Variants in ANKRD55 observed in about 807,000 individuals in gnomAD.
The protein encoded by ANKRD55 is ankyrin repeat domain 55.
Under a neutral mutation model 60.6 loss-of-function variants are expected in ANKRD55, and 41 were observed. That is an observed-to-expected ratio of 0.68 (90% CI 0.53 to 0.88). The LOEUF (loss-of-function observed/expected upper bound fraction) is 0.88, where lower values mean the gene tolerates loss of function less well. Among genes scored for constraint, ANKRD55 ranks in the 40% least tolerant of loss-of-function variants. ANKRD55 has a pLI of 0.00. For missense variants in ANKRD55, 732 were observed against 767.6 expected (o/e 0.95, Z 0.55); for synonymous variants, 264 against 290.3 (o/e 0.91, Z 0.92).
chr5:56,160,458 C>A (rs1758299315), intron 5 of ANKRD55, among the ~76,000 whole-genome samples: 1 of 152,186 alleles, frequency 6.6e-6, no homozygotes, highest in African/African-American at 2.4e-5. Context: ...CCAGGATGGT[C>A]TGGATCTCCT....
In ANKRD55 at chr5:56,116,996, T is replaced by G. The variant is rs2111692230; in HGVS notation, c.798-214A>C. On this transcript the variant is annotated intron_variant, in intron 8 of 11. Coordinates refer to ENST00000341048, the MANE Select transcript of ANKRD55 (RefSeq NM_024669.3). ...CTAGCTCTAAGTATTCCCTGCCATCTACACTCTCTGGCCTTTCTAACAATT... is the reference window on the plus strand; with the variant it reads ...CTAGCTCTAAGTATTCCCTGCCATCGACACTCTCTGGCCTTTCTAACAATT... 1.1e-5 allele frequency: 5 copies of G among 458,158 alleles called. No individual in the cohort carries two copies. In the South Asian group the frequency reaches 1.7e-4, roughly 16 times the overall value. 28.4% of individuals were successfully genotyped at this position (458,158 alleles called of 1,614,324 possible). A position where few individuals can be genotyped will look rare whatever the true frequency, so the allele number is the denominator to read the frequency against.
intron 8 of ANKRD55, among the ~76,000 whole-genome samples, chr5:56,120,844 A>G (rs920885869): frequency 4.7e-5 from 7 of 149,736 alleles, no homozygotes; most frequent in African/African-American, 1.7e-4. Flanking sequence ...GGTTGCAGTG[A>G]GCCAAGATCG....
intron 2 of ANKRD55, chr5:56,192,710 G>T: frequency 7.3e-7 from 1 of 1,372,786 alleles, no homozygotes; most frequent in South Asian, 1.2e-5. Context: ...AGATGATAAT[G>T]GACAGAATCA....
intron 11 of ANKRD55, 116 bp downstream of exon 11, chr5:56,102,378 A>G: frequency 1.4e-6 from 1 of 691,176 alleles, no homozygotes; most frequent in Non-Finnish European, 2.3e-6. Flanking sequence ...GCGACAGCGC[A>G]AGACTCCATC....
intron 5 of ANKRD55, among the ~76,000 whole-genome samples, chr5:56,168,299 GA>G (rs1758530905): frequency 6.6e-6 from 1 of 152,168 alleles, no homozygotes; most frequent in African/African-American, 2.4e-5. Flanking sequence ...AACATTCAAT[GA>G]AAAATTCCAG....
chr5:56,228,489 G>C (rs374084869), intron 2 of ANKRD55, among the ~76,000 whole-genome samples: 167 of 151,404 alleles, frequency 1.1e-3, no homozygotes, highest in Admixed American at 3.2e-3. Flanking sequence ...GCAGTGGCGC[G>C]ATCTTGGCTC....
At chr5:56,118,128 G>A (rs1756932632) in intron 8 of ANKRD55, among the ~76,000 whole-genome samples, 1 of 152,002 alleles carries the variant, frequency 6.6e-6, no homozygotes, top group African/African-American at 2.4e-5. Context: ...GGGCGACAGA[G>A]CAAGACTCTG....
At chr5:56,142,264 G>T (rs532496269) in intron 7 of ANKRD55, among the ~76,000 whole-genome samples, 37 of 152,298 alleles carry the variant, frequency 2.4e-4, no homozygotes, top group Admixed American at 2.0e-3. Flanking sequence ...GACCCGGGAG[G>T]TGGAGGTTGC....
In ANKRD55 at chr5:56,127,079, T is replaced by C; in HGVS notation, c.640A>G (p.Ile214Val). ...GACGGCCCCTGGTGATGGCTCAGAA[T>C]GATGGAGCACAGAATCCTATTTCCA... is the stretch of plus-strand genomic sequence containing the variant. ...QSGNRILCSI[I>V]LSHHQGPSII... Residue 214 changes from isoleucine to valine, a missense_variant, in exon 8 of 12, where the codon ATT becomes GTT. Ile to Val is a conservative substitution (Grantham distance 29). Coordinates refer to ENST00000341048, the MANE Select transcript of ANKRD55 (RefSeq NM_024669.3). The C allele has an allele frequency of 6.2e-7, 1 of 1,612,780 alleles. No individual in the cohort carries two copies. Among genetic ancestry groups the C allele is most frequent in the Non-Finnish European group, 8.5e-7 (1 of 1,179,346 alleles).
At chr5:56,217,271 A>G (rs1759835629) in intron 2 of ANKRD55, among the ~76,000 whole-genome samples, 1 of 152,238 alleles carries the variant, frequency 6.6e-6, no homozygotes, top group South Asian at 2.1e-4. Context: ...TTTCAAAACA[A>G]TACTGACAAT....
chr5:56,227,887 G>C (rs187473), intron 2 of ANKRD55, among the ~76,000 whole-genome samples: 54,287 of 151,918 alleles, frequency 0.36, 10,812 homozygotes, highest in East Asian at 0.84. Context: ...ATAAACATTC[G>C]CTCTTGTCAA....
rs780270426 is a variant in ANKRD55 at position 56,126,939 on chromosome 5, A to G, written c.780T>C (p.Ala260=). 2 of 1,610,284 alleles carry G rather than the reference A, an allele frequency of 1.2e-6. No homozygotes were observed. Among genetic ancestry groups the G allele is most frequent in the South Asian group, 2.2e-5 (2 of 90,522 alleles). ...ATGGATACCTGTCATCCACATCCAGAGCCTGCAGGTTACACTCAGGGACTC... is the reference window on the plus strand; with the variant it reads ...ATGGATACCTGTCATCCACATCCAGGGCCTGCAGGTTACACTCAGGGACTC... The part of the protein sequence containing the change: ...LARVPECNLQ[A]LDVDDRTPLH... Residue 260 remains alanine, a synonymous_variant, in exon 8 of 12, where the codon GCT becomes GCC. Transcript: ENST00000341048.
chr5:56,208,049 G>A (rs886917296), intron 2 of ANKRD55, among the ~76,000 whole-genome samples: 6 of 151,768 alleles, frequency 4.0e-5, no homozygotes, highest in Non-Finnish European at 8.8e-5. Flanking sequence ...TTTTTAAAAT[G>A]ATTTATTTAT....
intron 6 of ANKRD55, among the ~76,000 whole-genome samples, chr5:56,159,099 C>T (rs1409871219): frequency 6.6e-6 from 1 of 152,216 alleles, no homozygotes; most frequent in African/African-American, 2.4e-5. Flanking sequence ...CCTCCCACCT[C>T]AGCCTCCTGA....
Position 56,111,396 on chromosome 5 carries a change from T to TG in ANKRD55, c.1351dup (p.His451ProfsTer2), listed in dbSNP as rs1169252705. On this transcript the variant is annotated frameshift_variant, in exon 10 of 12. Coordinates refer to ENST00000341048, the MANE Select transcript of ANKRD55 (RefSeq NM_024669.3). LOFTEE classifies it high-confidence loss of function. ...CAGGCCTGCATGGGAAGTGGCCCTA[T>TG]GGGAGGCTGTTAGGAAGTTATTGCC... 1 of 1,614,028 alleles carries TG rather than the reference T, an allele frequency of 6.2e-7. No individual in the cohort carries two copies. The highest frequency in any genetic ancestry group is 1.3e-5 in the African/African-American group (1 of 74,932).
At chr5:56,120,770 A>G (rs13177092) in intron 8 of ANKRD55, among the ~76,000 whole-genome samples, 1 of 152,014 alleles carries the variant, frequency 6.6e-6, no homozygotes, top group East Asian at 1.9e-4. Context: ...GTAGTGGCAC[A>G]TGCCTGTAAT....
intron 5 of ANKRD55, among the ~76,000 whole-genome samples, chr5:56,166,893 T>G (rs749356033): frequency 3.9e-5 from 6 of 152,230 alleles, no homozygotes; most frequent in Non-Finnish European, 8.8e-5. Flanking sequence ...CCAGGAAGTT[T>G]TGTAAGACTG....
intron 2 of ANKRD55, among the ~76,000 whole-genome samples, chr5:56,206,041 T>C (rs1221409642): frequency 6.7e-6 from 1 of 149,940 alleles, no homozygotes; most frequent in Non-Finnish European, 1.5e-5. Context: ...AGTGGTGCAA[T>C]CACAGTTCAC....
chr5:56,139,239 C>T (rs1030316720), intron 7 of ANKRD55, among the ~76,000 whole-genome samples: 1 of 151,980 alleles, frequency 6.6e-6, no homozygotes, highest in Non-Finnish European at 1.5e-5. Flanking sequence ...ACCCCATTGG[C>T]CTGAGATGAA....
Sources: allele counts gnomAD v4.1 joint callset (sites outside exome capture counted in the v4.1 genomes callset), GRCh38; gene constraint gnomAD v4.1.1; transcripts MANE v1.5; gene names NCBI Gene and HGNC (gene_info 2026-07-23, HGNC 2026-07-21).